The following DPYSL2 variants were observed in gnomAD, a reference collection of about 807,000 sequenced individuals.
DPYSL2 encodes dihydropyrimidinase-related protein 2.
A neutral mutation model predicts 69.9 loss-of-function variants in DPYSL2; 13 were observed. That is an observed-to-expected ratio of 0.19 (90% CI 0.12 to 0.30). DPYSL2 has a LOEUF of 0.30. Ranked by LOEUF, DPYSL2 falls within the 10% of genes least tolerant of loss-of-function variation. The pLI is 1.00. For synonymous variants in DPYSL2, 326 were observed against 359.1 expected (o/e 0.91, Z 1.04); for missense variants, 587 against 918.9 (o/e 0.64, Z 4.67).
At chr8:26,607,340 C>A (rs1453030220) in intron 3 of DPYSL2, among the ~76,000 whole-genome samples, 3 of 151,546 alleles carry the variant, frequency 2.0e-5, no homozygotes. Context: ...CAAAAATTAA[C>A]CGGGCATGGT....
At chr8:26,649,958 G>A (rs1370337374) in intron 11 of DPYSL2, among the ~76,000 whole-genome samples, 4 of 152,026 alleles carry the variant, frequency 2.6e-5, no homozygotes, top group Non-Finnish European at 5.9e-5. Flanking sequence ...ATGATAGATG[G>A]CCCCAGAGGT....
chr8:26,518,280 A>T (rs1023399487), intron 1 of DPYSL2, among the ~76,000 whole-genome samples: 1 of 152,136 alleles, frequency 6.6e-6, no homozygotes, highest in South Asian at 2.1e-4. Context: ...AGATACAAGC[A>T]TTTGTGTGTT....
At position 26,575,394 on chromosome 8, in the gene DPYSL2, T is replaced by G. The variant is rs527267443; in HGVS notation, c.355-6575T>G. 2.4e-3 allele frequency among the ~76,000 whole-genome samples: 366 copies of G among 152,276 alleles called. 3 individuals are homozygous for G. The highest frequency in any genetic ancestry group is 8.4e-3 in the African/African-American group (350 of 41,560). Reference sequence around the variant, plus strand: ...TCATCAGTGCAAAGCAGGTGGAAGATTCTCCTCGGCCCTTTTTTACTTTTC... The same window carrying G: ...TCATCAGTGCAAAGCAGGTGGAAGAGTCTCCTCGGCCCTTTTTTACTTTTC... On this transcript the variant is annotated intron_variant, in intron 1 of 13. Transcript: ENST00000521913.
Position 26,586,273 on chromosome 8 carries a change from T to G in DPYSL2, c.628+2290T>G, listed in dbSNP as rs1801601384. 6.6e-6 allele frequency among the ~76,000 whole-genome samples: 1 copy of G among 152,174 alleles called. No homozygotes were observed. The highest frequency in any genetic ancestry group is 1.5e-5 in the Non-Finnish European group (1 of 68,024). ...CTACTCTGTGTTCTAGCTGTGTGTC[T>G]CCAGTGAGGGATTTGTGCTACATGA... On this transcript the variant is annotated intron_variant, in intron 3 of 13. Transcript: ENST00000521913. This position sits in a 1 kb window ranked among gnomAD's most constrained non-coding sequence, Gnocchi z 4.7.
rs1802447228 is a variant in DPYSL2 at position 26,620,096 on chromosome 8, G to A, written c.629-4047G>A. Reference sequence around the variant, plus strand: ...AGCAGGCTAGGAGGGAATGGGGAGTGACTGCAGGTGGGTACAGCCTTTCTT... The same window carrying A: ...AGCAGGCTAGGAGGGAATGGGGAGTAACTGCAGGTGGGTACAGCCTTTCTT... On this transcript the variant is annotated intron_variant, in intron 3 of 13. Transcript: ENST00000521913. The surrounding 1 kb of genome is among the most constrained non-coding windows in gnomAD (Gnocchi z 4.5). 1 of 151,350 alleles carries A rather than the reference G, an allele frequency of 6.6e-6. No individual in the cohort carries two copies. The highest frequency in any genetic ancestry group is 2.4e-5 in the African/African-American group (1 of 40,864). The allele number at this position is 151,350 out of a possible 1,614,324, so 9.4% of individuals were successfully genotyped here.
Position 26,531,802 on chromosome 8 carries a change from A to G in DPYSL2, c.354+17123A>G, listed in dbSNP as rs181559752. Among the ~76,000 whole-genome samples, 270 of 152,204 alleles carry G rather than the reference A, an allele frequency of 1.8e-3. 2 individuals are homozygous for G. The highest frequency in any genetic ancestry group is 6.8e-3 in the Middle Eastern group (2 of 294). The stretch of plus-strand genomic sequence containing the variant: ...CAGCAGTATTAAAGGCAGAAAAAAA[A>G]TGAAGTAGGATGAAACCTGAAAGGA... On this transcript the variant is annotated intron_variant, in intron 1 of 13. Transcript: ENST00000521913.
intron 3 of DPYSL2, among the ~76,000 whole-genome samples, chr8:26,613,228 A>G (rs1192200207): frequency 6.6e-6 from 1 of 152,174 alleles, no homozygotes; most frequent in African/African-American, 2.4e-5. Flanking sequence ...CAGAATGTGA[A>G]ATTACAGTGG....
At position 26,516,628 on chromosome 8, in the gene DPYSL2, G is replaced by A. The variant is rs1053953800; in HGVS notation, c.354+1949G>A. Among the ~76,000 whole-genome samples, 33 of 152,138 alleles carry A rather than the reference G, an allele frequency of 2.2e-4. No homozygotes were observed. The highest frequency in any genetic ancestry group is 3.6e-4 in the African/African-American group (15 of 41,420). ...ATTCTAAATTGTAAAACTAAGGCACGCAGAGGGGGAGATTTGAAGAGAAAA... is the reference window on the plus strand; with the variant it reads ...ATTCTAAATTGTAAAACTAAGGCACACAGAGGGGGAGATTTGAAGAGAAAA... On this transcript the variant is annotated intron_variant, in intron 1 of 13. Coordinates refer to ENST00000521913, the MANE Select transcript of DPYSL2 (RefSeq NM_001197293.3). This position sits in a 1 kb window ranked among gnomAD's most constrained non-coding sequence, Gnocchi z 4.8.
intron 1 of DPYSL2, among the ~76,000 whole-genome samples, chr8:26,573,765 A>C (rs966158973): frequency 1.5e-4 from 22 of 143,254 alleles, no homozygotes; most frequent in African/African-American, 5.7e-4. Flanking sequence ...TGAACCTGGG[A>C]GGCAGAGGTT....
chr8:26,629,937 G>A (rs571610959), intron 7 of DPYSL2, among the ~76,000 whole-genome samples: 13 of 151,858 alleles, frequency 8.6e-5, no homozygotes, highest in Non-Finnish European at 1.8e-4. Flanking sequence ...ACAGATCCAC[G>A]TGCACAAGCA....
intron 3 of DPYSL2, 147 bp from the exon 4 acceptor site, chr8:26,623,996 A>G: frequency 1.3e-6 from 1 of 793,732 alleles, no homozygotes; most frequent in East Asian, 2.6e-5. Flanking sequence ...CAGCTGGGTT[A>G]CATGGATTCT....
intron 1 of DPYSL2, among the ~76,000 whole-genome samples, chr8:26,522,751 C>T (rs1269897972): frequency 1.3e-5 from 2 of 152,122 alleles, no homozygotes; most frequent in Non-Finnish European, 2.9e-5. Flanking sequence ...ATACTAGGCC[C>T]TTATCAGATC....
At position 26,658,076 on chromosome 8, in the gene DPYSL2, A is replaced by G. The variant is rs111810347; in HGVS notation, c.*2370A>G. On this transcript the variant is annotated 3_prime_UTR_variant, in exon 14 of 14. Transcript: ENST00000521913. The surrounding 1 kb of genome is among the most constrained non-coding windows in gnomAD (Gnocchi z 4.7). ...TTTGTAACCACTGTCTTGATGGCAA[A>G]ATAATTATGGTAAAAAACAAGTCTC... The G allele has an allele frequency of 3.9e-5, 6 of 152,632 alleles. No individual in the cohort carries two copies. Among genetic ancestry groups the G allele is most frequent in the African/African-American group, 1.4e-4 (6 of 41,528 alleles). 9.5% of individuals were successfully genotyped at this position (152,632 alleles called of 1,614,324 possible).
Position 26,563,310 on chromosome 8 carries a change from C to T in DPYSL2, c.355-18659C>T, listed in dbSNP as rs544366475. On this transcript the variant is annotated intron_variant, in intron 1 of 13. Coordinates refer to ENST00000521913, the MANE Select transcript of DPYSL2 (RefSeq NM_001197293.3). ...CTTCCCATGTTTTTGTTTTCTCTTA[C>T]ATAAACTCTCTTCTCCCAGATGGCT... Among the ~76,000 whole-genome samples, 8 of 152,300 alleles carry T rather than the reference C, an allele frequency of 5.3e-5. No homozygotes were observed. The South Asian group carries it at 1.7e-3, about 32-fold the overall frequency.
In DPYSL2 at chr8:26,591,966, A is replaced by G. The variant is rs187784618; in HGVS notation, c.628+7983A>G. On this transcript the variant is annotated intron_variant, in intron 3 of 13. Coordinates refer to ENST00000521913, the MANE Select transcript of DPYSL2 (RefSeq NM_001197293.3). The surrounding 1 kb of genome is among the most constrained non-coding windows in gnomAD (Gnocchi z 5.8). ...AGGCATATACCCACGGAGTCGCTTA[A>G]GAAAACACCTAACCACACTGTAAGT... Among the ~76,000 whole-genome samples, 13 of 152,328 alleles carry G rather than the reference A, an allele frequency of 8.5e-5. No individual in the cohort carries two copies. Among genetic ancestry groups the G allele is most frequent in the Non-Finnish European group, 1.5e-4 (10 of 68,030 alleles).
intron 1 of DPYSL2, chr8:26,578,434 A>C (rs1340052235): frequency 1.2e-5 from 19 of 1,527,462 alleles, no homozygotes; most frequent in Non-Finnish European, 1.6e-5. Context: ...GGCGATGGTG[A>C]TGGTGGTGGT....
intron 1 of DPYSL2, among the ~76,000 whole-genome samples, chr8:26,526,851 G>A (rs1407154997): frequency 6.6e-6 from 1 of 152,190 alleles, no homozygotes; most frequent in Admixed American, 6.5e-5. Context: ...GAAGGATCTG[G>A]GCTTTGGTTG....
Position 26,626,710 on chromosome 8 carries a change from C to T in DPYSL2, c.855+32C>T, listed in dbSNP as rs1802624396. On this transcript the variant is annotated intron_variant, in intron 5 of 13. Coordinates refer to ENST00000521913, the MANE Select transcript of DPYSL2 (RefSeq NM_001197293.3). The surrounding 1 kb of genome is among the most constrained non-coding windows in gnomAD (Gnocchi z 4.3). ...AAGTCGGCTTTTCGGAAGAGGCACCCTGACATTTGGTACCTTCAGGCTGTG... is the reference window on the plus strand; with the variant it reads ...AAGTCGGCTTTTCGGAAGAGGCACCTTGACATTTGGTACCTTCAGGCTGTG... 3 of 1,610,416 alleles carry T rather than the reference C, an allele frequency of 1.9e-6. No homozygotes were observed. The highest frequency in any genetic ancestry group is 2.5e-6 in the Non-Finnish European group (3 of 1,176,866).
At chr8:26,579,110 G>T (rs991088253) in intron 1 of DPYSL2, among the ~76,000 whole-genome samples, 3 of 152,252 alleles carry the variant, frequency 2.0e-5, no homozygotes, top group Admixed American at 6.5e-5. Flanking sequence ...CGGGGACCGC[G>T]GCGAGCGGCC....
Sources: gnomAD v4.1 joint callset for allele counts (sites outside exome capture counted in the v4.1 genomes callset) on GRCh38, gnomAD v4.1.1 for gene constraint, Gnocchi (gnomAD v3.1) non-coding constraint, MANE v1.5 for transcripts, NCBI Gene and HGNC (gene_info 2026-07-23, HGNC 2026-07-21) for gene names.